The following PRKACB variants were observed in gnomAD, a reference collection of about 807,000 sequenced individuals.
The protein encoded by PRKACB is protein kinase cAMP-activated catalytic subunit beta.
Under a neutral mutation model 51.4 loss-of-function variants are expected in PRKACB, and 16 were observed. The observed-to-expected ratio is 0.31, with a 90% CI of 0.21 to 0.47. The LOEUF (loss-of-function observed/expected upper bound fraction) is 0.47, where lower values mean the gene tolerates loss of function less well. Among genes scored for constraint, PRKACB ranks in the 20% least tolerant of loss-of-function variants. The pLI is 1.00. For missense variants in PRKACB, 309 were observed against 464.5 expected (o/e 0.67, Z 3.08); for synonymous variants, 147 against 154.4 (o/e 0.95, Z 0.35).
intron 9 of PRKACB, among the ~76,000 whole-genome samples, chr1:84,219,042 T>A (rs1673281931): frequency 6.6e-6 from 1 of 152,198 alleles, no homozygotes; most frequent in Non-Finnish European, 1.5e-5. Flanking sequence ...TATTAGTCCC[T>A]TCTTGGATGA....
intron 1 of PRKACB, among the ~76,000 whole-genome samples, chr1:84,098,030 C>T (rs1170981021): frequency 1.3e-5 from 2 of 152,036 alleles, no homozygotes; most frequent in African/African-American, 4.8e-5. Context: ...AATTAACCAC[C>T]ATAGTGGGTG....
At chr1:84,196,220 T>A (rs905324486) in intron 5 of PRKACB, among the ~76,000 whole-genome samples, 1 of 152,160 alleles carries the variant, frequency 6.6e-6, no homozygotes, top group East Asian at 1.9e-4. Flanking sequence ...TTGAAATTTG[T>A]GAGAAAAGTA....
At position 84,214,330 on chromosome 1, in the gene PRKACB, T is replaced by G; in HGVS notation, c.1071+13T>G. 1 of 1,553,372 alleles carries G rather than the reference T, an allele frequency of 6.4e-7. No individual in the cohort carries two copies. The highest frequency in any genetic ancestry group is 8.7e-7 in the Non-Finnish European group (1 of 1,152,656). ...TTACCAGAGGAAGGTGAGACTTTCT[T>G]TTTTAATTTAAAAGCTTTTTTAAAG... On this transcript the variant is annotated intron_variant, in intron 9 of 9. Transcript: ENST00000370685.
At chr1:84,110,561 C>G (rs930973053) in intron 1 of PRKACB, among the ~76,000 whole-genome samples, 1 of 151,870 alleles carries the variant, frequency 6.6e-6, no homozygotes, top group African/African-American at 2.4e-5. Flanking sequence ...GTTTACGCCT[C>G]AAATCCTCTG....
intron 1 of PRKACB, among the ~76,000 whole-genome samples, chr1:84,172,881 T>C (rs992073587): frequency 2.0e-5 from 3 of 151,702 alleles, no homozygotes; most frequent in Non-Finnish European, 3.0e-5. Context: ...TTAGTCTTTA[T>C]AGAAAGACTA....
intron 1 of PRKACB, chr1:84,078,444 G>A (rs1300667239): frequency 2.6e-6 from 4 of 1,556,646 alleles, no homozygotes; most frequent in East Asian, 2.3e-5. Flanking sequence ...CCGGGTCGCA[G>A]CTTCTGAGGC....
intron 2 of PRKACB, among the ~76,000 whole-genome samples, chr1:84,179,866 A>G (rs2100955582): frequency 6.6e-6 from 1 of 151,614 alleles, no homozygotes; most frequent in South Asian, 2.1e-4. Context: ...TTACATAGGT[A>G]TAAATATGCC....
At chr1:84,105,584 T>C (rs867237226) in intron 1 of PRKACB, among the ~76,000 whole-genome samples, 1 of 113,976 alleles carries the variant, frequency 8.8e-6, no homozygotes, top group Non-Finnish European at 2.0e-5. Context: ...TATTTATTTA[T>C]TTATTTACTG....
At chr1:84,097,330 A>G (rs1347525089) in intron 1 of PRKACB, among the ~76,000 whole-genome samples, 7 of 152,132 alleles carry the variant, frequency 4.6e-5, no homozygotes, top group South Asian at 2.1e-4. Context: ...ACATTAGTAG[A>G]TACTATCAAA....
At chr1:84,097,487 G>C (rs570168651) in intron 1 of PRKACB, among the ~76,000 whole-genome samples, 1 of 152,114 alleles carries the variant, frequency 6.6e-6, no homozygotes, top group East Asian at 1.9e-4. Context: ...GGGTTCTCCA[G>C]AGAAACAGAA....
At chr1:84,205,042 A>T (rs1239770599) in intron 8 of PRKACB, 1 of 982,776 alleles carries the variant, frequency 1.0e-6, no homozygotes, top group Non-Finnish European at 1.2e-6. Flanking sequence ...AAACCTTATT[A>T]TATCACAATA....
intron 9 of PRKACB, among the ~76,000 whole-genome samples, chr1:84,214,726 C>T (rs1185702417): frequency 6.6e-6 from 1 of 152,060 alleles, no homozygotes; most frequent in South Asian, 2.1e-4. Context: ...AACTCCTGAC[C>T]TCAAGTGATC....
intron 1 of PRKACB, among the ~76,000 whole-genome samples, chr1:84,113,611 C>T (rs1255316091): frequency 6.6e-6 from 1 of 152,068 alleles, no homozygotes; most frequent in Non-Finnish European, 1.5e-5. Flanking sequence ...ACAGTGGCAA[C>T]AATTGGTGAG....
chr1:84,144,190 G>C, upstream of PRKACB: 1 of 1,284,956 alleles, frequency 7.8e-7, no homozygotes, highest in Non-Finnish European at 1.0e-6. Context: ...GCTAAGAAAA[G>C]CTCAGTAATG....
At chr1:84,191,098 A>G (rs1666659075) in intron 5 of PRKACB, among the ~76,000 whole-genome samples, 1 of 151,996 alleles carries the variant, frequency 6.6e-6, no homozygotes, top group Non-Finnish European at 1.5e-5. Context: ...TTGATTGTGT[A>G]ATTGCTTTAT....
rs572211402 is a variant in PRKACB at position 84,150,361 on chromosome 1, A to T, written c.187+5813A>T. On this transcript the variant is annotated intron_variant, in intron 1 of 9. Coordinates refer to ENST00000370685, the MANE Select transcript of PRKACB (RefSeq NM_182948.4). Reference sequence around the variant, plus strand: ...CTCAAAACAGTATATTGATATTTTTAAAAATTAAAAATATAATGGCCCATT... The same window carrying T: ...CTCAAAACAGTATATTGATATTTTTTAAAATTAAAAATATAATGGCCCATT... 3.9e-5 allele frequency among the ~76,000 whole-genome samples: 6 copies of T among 152,336 alleles called. No individual in the cohort carries two copies. In the East Asian group the frequency reaches 1.2e-3, roughly 29 times the overall value.
At chr1:84,164,443 G>A in intron 1 of PRKACB, 1 of 1,562,972 alleles carries the variant, frequency 6.4e-7, no homozygotes, top group Non-Finnish European at 8.7e-7. Context: ...GAAGAAAACA[G>A]CAATTTTTTC....
intron 2 of PRKACB, among the ~76,000 whole-genome samples, chr1:84,180,667 T>G (rs1663119554): frequency 6.6e-6 from 1 of 152,092 alleles, no homozygotes; most frequent in African/African-American, 2.4e-5. Flanking sequence ...ATTTTCTCAC[T>G]AAAGAATTCT....
intron 8 of PRKACB, among the ~76,000 whole-genome samples, chr1:84,209,275 T>C (rs1015233557): frequency 6.6e-6 from 1 of 152,198 alleles, no homozygotes; most frequent in Non-Finnish European, 1.5e-5. Context: ...TTCCATACTC[T>C]TGTATCTAGT....
Sources: gnomAD v4.1 joint callset for allele counts (sites outside exome capture counted in the v4.1 genomes callset) on GRCh38, gnomAD v4.1.1 for gene constraint, MANE v1.5 for transcripts, NCBI Gene and HGNC (gene_info 2026-07-23, HGNC 2026-07-21) for gene names.